RTL4: variants seen among roughly 807,000 people sequenced by gnomAD.
The protein encoded by RTL4 is retrotransposon Gag like 4.
In RTL4, 4 loss-of-function variants were observed where a neutral mutation model predicts 5.3. That is an observed-to-expected ratio of 0.75 (90% confidence interval 0.37 to 1.72). RTL4 has a LOEUF of 1.72. Ranked by LOEUF, RTL4 falls within the 40% of genes most tolerant of loss-of-function variation. The pLI is 0.04. For missense variants in RTL4, 260 were observed against 227.1 expected, an observed-to-expected ratio of 1.14 and a Z score of -0.93; for synonymous variants, 98 against 87.3, an observed-to-expected ratio of 1.12 and a Z score of -0.68.
chrX:112,355,189 A>G, the RTL4 span, among the ~76,000 whole-genome samples: 2 of 111,654 alleles, frequency 1.8e-5, no homozygotes, highest in African/African-American at 6.5e-5. Flanking sequence ...CTCTACTTCT[A>G]GGTTGTTTTA....
chrX:112,213,728 A>C, the RTL4 span, among the ~76,000 whole-genome samples: 2 of 111,224 alleles, frequency 1.8e-5, no homozygotes, highest in Non-Finnish European at 3.8e-5. Flanking sequence ...CATCATGACC[A>C]TCCATCGCCA....
chrX:112,111,309 C>T, the RTL4 span, among the ~76,000 whole-genome samples: 1 of 110,871 alleles, frequency 9.0e-6, no homozygotes, highest in Non-Finnish European at 1.9e-5. Context: ...GTCTCTTCCT[C>T]TCTGTCTCCT....
the RTL4 span, among the ~76,000 whole-genome samples, chrX:112,280,891 T>C: frequency 9.0e-6 from 1 of 111,543 alleles, no homozygotes; most frequent in Admixed American, 9.6e-5. Flanking sequence ...ATACACATTG[T>C]GTATATTATC....
the RTL4 span, among the ~76,000 whole-genome samples, chrX:112,144,513 C>T: frequency 9.0e-6 from 1 of 111,064 alleles, no homozygotes; most frequent in Admixed American, 9.6e-5. Flanking sequence ...CCACTGAGTT[C>T]TCAAAGGAAA....
At chrX:112,323,187 A>G in the RTL4 span, among the ~76,000 whole-genome samples, 628 of 112,182 alleles carry the variant, frequency 5.6e-3, 2 homozygotes, top group Non-Finnish European at 8.0e-3. Flanking sequence ...CAACTTTGTC[A>G]GTTTGATGGG....
the RTL4 span, among the ~76,000 whole-genome samples, chrX:112,414,327 A>G: frequency 2.7e-5 from 3 of 111,437 alleles, no homozygotes; most frequent in Middle Eastern, 9.3e-3. Context: ...TACTTTTTTC[A>G]TGAATACATT....
At chrX:112,175,034 G>A in the RTL4 span, among the ~76,000 whole-genome samples, 2 of 91,991 alleles carry the variant, frequency 2.2e-5, no homozygotes, top group Non-Finnish European at 4.3e-5. Flanking sequence ...TAGGTTGCCT[G>A]TTCACTCTGA....
At chrX:112,187,717 T>A in the RTL4 span, among the ~76,000 whole-genome samples, 2 of 111,334 alleles carry the variant, frequency 1.8e-5, no homozygotes, top group Non-Finnish European at 3.8e-5. Context: ...CCAGCCATGG[T>A]TAGAATTTGT....
At chrX:112,173,554 G>A in the RTL4 span, among the ~76,000 whole-genome samples, 1 of 111,530 alleles carries the variant, frequency 9.0e-6, no homozygotes. Flanking sequence ...CTACTCTTGA[G>A]AGAGCTTAAA....
chrX:112,291,817 G>A, the RTL4 span, among the ~76,000 whole-genome samples: 4 of 110,316 alleles, frequency 3.6e-5, no homozygotes, highest in African/African-American at 9.9e-5. Context: ...GGATGGTCTC[G>A]ATCTCCTGAC....
the RTL4 span, among the ~76,000 whole-genome samples, chrX:112,128,879 A>T: frequency 9.0e-6 from 1 of 111,383 alleles, no homozygotes; most frequent in Non-Finnish European, 1.9e-5. Flanking sequence ...GCATCAAAGG[A>T]CATTATCAAC....
the RTL4 span, among the ~76,000 whole-genome samples, chrX:112,192,188 A>G: frequency 3.7e-5 from 4 of 107,057 alleles, no homozygotes; most frequent in Admixed American, 2.0e-4. Context: ...TATATGCAAG[A>G]TTATGTCATC....
At chrX:112,096,028 A>G in the RTL4 span, among the ~76,000 whole-genome samples, 1 of 111,943 alleles carries the variant, frequency 8.9e-6, no homozygotes, top group Non-Finnish European at 1.9e-5. Flanking sequence ...GCCAAATGAC[A>G]GGTGCCTTAA....
At chrX:112,106,510 C>T in the RTL4 span, among the ~76,000 whole-genome samples, 2 of 111,850 alleles carry the variant, frequency 1.8e-5, no homozygotes, top group Non-Finnish European at 3.8e-5. Flanking sequence ...CTTCAATATA[C>T]CAATTTCATT....
the RTL4 span, among the ~76,000 whole-genome samples, chrX:112,110,951 G>A: frequency 8.9e-6 from 1 of 111,876 alleles, no homozygotes; most frequent in East Asian, 2.8e-4. Context: ...CTGGGTTAAG[G>A]ATTTTTGATG....
chrX:112,183,198 A>G, the RTL4 span, among the ~76,000 whole-genome samples: 3 of 112,471 alleles, frequency 2.7e-5, no homozygotes, highest in East Asian at 8.3e-4. Context: ...GGTTCCAGCC[A>G]CTGCAAAAAC....
chrX:112,169,490 C>CA, the RTL4 span, among the ~76,000 whole-genome samples: 4 of 111,019 alleles, frequency 3.6e-5, no homozygotes, highest in African/African-American at 1.3e-4. Flanking sequence ...ATAAAACTGC[C>CA]ATGTTGGTAT....
At chrX:112,230,267 T>G in the RTL4 span, among the ~76,000 whole-genome samples, 1 of 112,241 alleles carries the variant, frequency 8.9e-6, no homozygotes, top group Non-Finnish European at 1.9e-5. Flanking sequence ...ACCTTGCAGT[T>G]TGATCTCAGA....
At chrX:112,240,714 T>C in the RTL4 span, among the ~76,000 whole-genome samples, 3 of 111,442 alleles carry the variant, frequency 2.7e-5, no homozygotes, top group African/African-American at 9.8e-5. Context: ...CTAGGGTACA[T>C]GTGCACAATA....
Sources: allele counts gnomAD v4.1 joint callset (sites outside exome capture counted in the v4.1 genomes callset), GRCh38; gene constraint gnomAD v4.1.1; transcripts MANE v1.5; gene names NCBI Gene and HGNC (gene_info 2026-07-23, HGNC 2026-07-21).